The following UBE2V2 variants were observed in gnomAD, a reference collection of about 807,000 sequenced individuals.
The protein encoded by UBE2V2 is ubiquitin conjugating enzyme E2 V2.
UBE2V2 carries 9 observed loss-of-function variants against 17.2 expected under a neutral mutation model. That is an observed-to-expected ratio of 0.52 (90% CI 0.32 to 0.91). UBE2V2 has a LOEUF of 0.91. Among genes scored for constraint, UBE2V2 ranks in the 40% least tolerant of loss-of-function variants. The pLI is 0.04. For missense variants in UBE2V2, 133 were observed against 182.6 expected, an observed-to-expected ratio of 0.73 and a Z score of 1.56; for synonymous variants, 61 against 57.5, an observed-to-expected ratio of 1.06 and a Z score of -0.28.
chr8:48,045,115 A>G (rs1311942481), intron 2 of UBE2V2, among the ~76,000 whole-genome samples: 1 of 152,166 alleles, frequency 6.6e-6, no homozygotes, highest in Non-Finnish European at 1.5e-5. Flanking sequence ...CACAGACAAA[A>G]TGCTACTGTG....
intron 1 of UBE2V2, among the ~76,000 whole-genome samples, chr8:48,039,407 G>GT (rs2091446569): frequency 6.6e-6 from 1 of 152,234 alleles, no homozygotes; most frequent in South Asian, 2.1e-4. Flanking sequence ...AGAATAAGCC[G>GT]TTATGATTCC....
intron 1 of UBE2V2, among the ~76,000 whole-genome samples, chr8:48,021,870 G>A (rs1420787675): frequency 6.6e-6 from 1 of 151,050 alleles, no homozygotes; most frequent in Non-Finnish European, 1.5e-5. Context: ...AGTAGAGACC[G>A]GGTTTTACCA....
chr8:48,024,855 T>C (rs1158976800), intron 1 of UBE2V2, among the ~76,000 whole-genome samples: 1 of 152,030 alleles, frequency 6.6e-6, no homozygotes, highest in Non-Finnish European at 1.5e-5. Context: ...TAAATGCTGG[T>C]CAATATTCAC....
chr8:48,020,796 G>C (rs144768095), intron 1 of UBE2V2, among the ~76,000 whole-genome samples: 6 of 152,046 alleles, frequency 3.9e-5, no homozygotes, highest in Non-Finnish European at 7.4e-5. Flanking sequence ...TAGATACGGG[G>C]TCTTGCCATG....
In UBE2V2 at chr8:48,008,482, G is replaced by C. The variant is rs749998646; in HGVS notation, c.16+12G>C. The C allele has an allele frequency of 3.8e-6, 6 of 1,567,072 alleles. No homozygotes were observed. In the South Asian group the frequency reaches 5.8e-5, roughly 15 times the overall value. On this transcript the variant is annotated intron_variant, in intron 1 of 3. Coordinates refer to ENST00000523111, the MANE Select transcript of UBE2V2 (RefSeq NM_003350.3). ...GGCGGTCTCCACAGGTCGGTTCCCG[G>C]GCCGGGCTGCGTGATTTTCCGCTCC...
intron 2 of UBE2V2, among the ~76,000 whole-genome samples, chr8:48,044,058 A>G (rs2091482320): frequency 6.6e-6 from 1 of 151,356 alleles, no homozygotes; most frequent in African/African-American, 2.4e-5. Context: ...AGGGTTTTTT[A>G]AGTCTTTGGT....
At chr8:48,023,301 C>T (rs562319349) in intron 1 of UBE2V2, among the ~76,000 whole-genome samples, 55 of 151,666 alleles carry the variant, frequency 3.6e-4, no homozygotes, top group African/African-American at 1.3e-3. Flanking sequence ...CTGCGACCTC[C>T]GCCTCCTGGG....
chr8:48,051,135 CTG>C (rs2091533940), intron 3 of UBE2V2, among the ~76,000 whole-genome samples: 1 of 152,220 alleles, frequency 6.6e-6, no homozygotes, highest in African/African-American at 2.4e-5. Context: ...GCGTGAGCCA[CTG>C]TGTCCAGCCC....
intron 1 of UBE2V2, among the ~76,000 whole-genome samples, chr8:48,029,028 G>A (rs2091365817): frequency 6.6e-6 from 1 of 151,880 alleles, no homozygotes; most frequent in African/African-American, 2.4e-5. Flanking sequence ...TTTGTATGTA[G>A]CTCATCATCT....
chr8:48,059,871 C>T (rs866169654), intron 3 of UBE2V2, among the ~76,000 whole-genome samples: 12 of 152,210 alleles, frequency 7.9e-5, no homozygotes, highest in African/African-American at 2.4e-4. Context: ...TGGGAATGGG[C>T]TTGCAAGGAG....
intron 2 of UBE2V2, among the ~76,000 whole-genome samples, chr8:48,046,485 T>G (rs2091500016): frequency 6.6e-6 from 1 of 152,166 alleles, no homozygotes; most frequent in South Asian, 2.1e-4. Flanking sequence ...ACTCCCGACC[T>G]CAGATGATCC....
intron 1 of UBE2V2, among the ~76,000 whole-genome samples, chr8:48,026,428 A>T (rs138269660): frequency 6.6e-6 from 1 of 152,330 alleles, no homozygotes; most frequent in East Asian, 1.9e-4. Flanking sequence ...AGACAACTTT[A>T]CTGAGATATA....
chr8:48,037,660 T>G (rs1458962925), intron 1 of UBE2V2, among the ~76,000 whole-genome samples: 1 of 152,226 alleles, frequency 6.6e-6, no homozygotes, highest in Non-Finnish European at 1.5e-5. Context: ...AGCAGGACTT[T>G]GACTATCATG....
chr8:48,035,195 T>C, intron 1 of UBE2V2: 1 of 898,974 alleles, frequency 1.1e-6, no homozygotes, highest in Non-Finnish European at 1.3e-6. Flanking sequence ...AGCTCACTGC[T>C]ACTTCTGCCT....
chr8:48,003,665 G>T (rs1005110644), upstream of UBE2V2, among the ~76,000 whole-genome samples: 3 of 152,176 alleles, frequency 2.0e-5, no homozygotes, highest in African/African-American at 7.2e-5. Context: ...TGATTTTCAT[G>T]TTACAGAGAG....
At chr8:48,051,965 T>A (rs2091541838) in intron 3 of UBE2V2, among the ~76,000 whole-genome samples, 1 of 152,228 alleles carries the variant, frequency 6.6e-6, no homozygotes, top group Admixed American at 6.5e-5. Flanking sequence ...TCTTTGTGAT[T>A]TACTGGGAGC....
At chr8:48,034,516 G>GT (rs1439780914) in intron 1 of UBE2V2, among the ~76,000 whole-genome samples, 2 of 151,642 alleles carry the variant, frequency 1.3e-5, no homozygotes, top group Admixed American at 6.6e-5. Flanking sequence ...ATACATGAGA[G>GT]TTTTTTTTAG....
Position 48,060,710 on chromosome 8 carries a change from C to T in UBE2V2, c.320C>T (p.Ala107Val). Residue 107 changes from alanine (A) to valine (V), a missense_variant, in exon 4 of 4, where the codon GCA becomes GTA. Physicochemically the swap from Ala to Val is moderately conservative, Grantham distance 64. Transcript: ENST00000523111. ...GATGCCCGGAGCATACCAGTGTTAG[C>T]AAAATGGCAAAATTCATATAGCATT... ...MVDARSIPVL[A>V]KWQNSYSIKV... 1 of 1,522,648 alleles carries T rather than the reference C, an allele frequency of 6.6e-7. No homozygotes were observed. 94.3% of individuals were successfully genotyped at this position (1,522,648 alleles called of 1,614,324 possible).
chr8:48,057,328 G>A lies in UBE2V2; in HGVS notation c.292-3354G>A, dbSNP rs181853810. On this transcript the variant is annotated intron_variant, in intron 3 of 3. Coordinates refer to ENST00000523111, the MANE Select transcript of UBE2V2 (RefSeq NM_003350.3). ...TATTTATTTATTTTTTTGAGATGGA[G>A]TCTAGCTCTGTTGCCCAGGCTGGAG... Among the ~76,000 whole-genome samples, 10 of 152,084 alleles carry A rather than the reference G, an allele frequency of 6.6e-5. No homozygotes were observed. In the East Asian group the frequency reaches 1.9e-3, roughly 29 times the overall value.
Sources: allele counts gnomAD v4.1 joint callset (sites outside exome capture counted in the v4.1 genomes callset), GRCh38; gene constraint gnomAD v4.1.1; transcripts MANE v1.5; gene names NCBI Gene and HGNC (gene_info 2026-07-23, HGNC 2026-07-21).